Variants in HS3ST4 observed in about 807,000 individuals in gnomAD.
HS3ST4 encodes heparan sulfate-glucosamine 3-sulfotransferase 4, also known as heparan sulfate glucosamine 3-O-sulfotransferase 4.
A neutral mutation model predicts 29.2 loss-of-function variants in HS3ST4; 17 were observed. The ratio of observed to expected loss-of-function variants is 0.58; its 90% CI spans 0.40 to 0.87. The LOEUF is 0.87. HS3ST4 is among the 40% of genes least tolerant of loss of function. HS3ST4 has a pLI of 0.00. For synonymous variants in HS3ST4, 314 were observed against 285.7 expected (o/e 1.10, Z -1.00); for missense variants, 627 against 634.5 (o/e 0.99, Z 0.13).
At chr16:26,062,821 G>T in intron 1 of HS3ST4, 1 of 285,568 alleles carries the variant, frequency 3.5e-6, no homozygotes, top group South Asian at 4.2e-5. Context: ...GCACCACTTT[G>T]GTGCCTGCAT....
intron 1 of HS3ST4, among the ~76,000 whole-genome samples, chr16:25,882,751 C>G (rs957252915): frequency 1.3e-5 from 2 of 152,154 alleles, no homozygotes; most frequent in Admixed American, 6.6e-5. Context: ...TCTTGGGGCA[C>G]AGACAGATTC....
chr16:26,121,184 A>G (rs996987947), intron 1 of HS3ST4, among the ~76,000 whole-genome samples: 2 of 152,216 alleles, frequency 1.3e-5, no homozygotes, highest in South Asian at 2.1e-4. Flanking sequence ...CCAGGATCCC[A>G]GGGACAGACA....
At chr16:25,749,679 G>A (rs117233311) in intron 1 of HS3ST4, among the ~76,000 whole-genome samples, 3,411 of 152,238 alleles carry the variant, frequency 0.022, 43 homozygotes, top group Non-Finnish European at 0.036. Flanking sequence ...TTGTAAAAGG[G>A]ATAATAGCTT....
intron 1 of HS3ST4, among the ~76,000 whole-genome samples, chr16:25,706,524 C>T (rs1039648360): frequency 1.4e-4 from 21 of 152,172 alleles, no homozygotes; most frequent in Non-Finnish European, 2.1e-4. Flanking sequence ...TAATGCTCTC[C>T]GTCCCCTAGC....
chr16:25,842,183 A>G (rs1967421725), intron 1 of HS3ST4, among the ~76,000 whole-genome samples: 1 of 152,234 alleles, frequency 6.6e-6, no homozygotes, highest in South Asian at 2.1e-4. Context: ...TTTGTTGAAG[A>G]AAAGGTCACC....
intron 1 of HS3ST4, among the ~76,000 whole-genome samples, chr16:26,046,429 G>C (rs922323830): frequency 6.6e-6 from 1 of 152,112 alleles, no homozygotes; most frequent in Non-Finnish European, 1.5e-5. Context: ...GGGATTACAG[G>C]CATGAGCCAC....
chr16:26,109,441 G>A (rs563460196), intron 1 of HS3ST4, among the ~76,000 whole-genome samples: 3 of 152,250 alleles, frequency 2.0e-5, no homozygotes, highest in African/African-American at 4.8e-5. Context: ...GTAGTAATTC[G>A]TCTGAGGGTG....
chr16:25,905,932 G>A (rs1968175548), intron 1 of HS3ST4, among the ~76,000 whole-genome samples: 2 of 152,278 alleles, frequency 1.3e-5, no homozygotes, highest in South Asian at 2.1e-4. Flanking sequence ...TTATGGCTGA[G>A]TTATAAATCC....
At chr16:26,112,381 CT>C (rs386384539) in intron 1 of HS3ST4, among the ~76,000 whole-genome samples, 9,536 of 111,594 alleles carry the variant, frequency 0.085, 352 homozygotes, top group Middle Eastern at 0.15. Context: ...GCCTCTACAT[CT>C]TTTTTTTTTT....
chr16:25,898,774 G>C (rs1004957558), intron 1 of HS3ST4, among the ~76,000 whole-genome samples: 2 of 152,156 alleles, frequency 1.3e-5, no homozygotes, highest in Non-Finnish European at 2.9e-5. Context: ...GCTAAAAATG[G>C]GGCATGAATA....
chr16:26,076,777 G>T (rs1007488045), intron 1 of HS3ST4, among the ~76,000 whole-genome samples: 1 of 152,128 alleles, frequency 6.6e-6, no homozygotes, highest in Non-Finnish European at 1.5e-5. Context: ...CATAGAGTAG[G>T]CACTCTGAAT....
At chr16:25,693,268 G>A (rs935198531) in intron 1 of HS3ST4, 117 bp downstream of exon 1, 2 of 1,155,664 alleles carry the variant, frequency 1.7e-6, no homozygotes, top group Non-Finnish European at 2.4e-6. Context: ...CCAAGCCCCC[G>A]CGAGGGCTCT....
At chr16:26,019,413 C>T (rs1969390317) in intron 1 of HS3ST4, among the ~76,000 whole-genome samples, 1 of 152,160 alleles carries the variant, frequency 6.6e-6, no homozygotes, top group Non-Finnish European at 1.5e-5. Context: ...GCCTTTTTTA[C>T]ATCCGTAATT....
At chr16:25,916,549 A>G (rs1218083322) in intron 1 of HS3ST4, among the ~76,000 whole-genome samples, 1 of 151,066 alleles carries the variant, frequency 6.6e-6, no homozygotes, top group Non-Finnish European at 1.5e-5. Flanking sequence ...TTTAGTGGAG[A>G]CAAGGTTTCT....
chr16:26,133,109 T>C (rs1359297870), intron 1 of HS3ST4, among the ~76,000 whole-genome samples: 1 of 152,156 alleles, frequency 6.6e-6, no homozygotes, highest in Non-Finnish European at 1.5e-5. Context: ...TTTTCCTGCC[T>C]TTTCCATTTG....
chr16:26,110,550 C>T (rs1466467736), intron 1 of HS3ST4, among the ~76,000 whole-genome samples: 1 of 152,222 alleles, frequency 6.6e-6, no homozygotes, highest in Non-Finnish European at 1.5e-5. Context: ...TATATCCACA[C>T]CAAATTCTAT....
At chr16:26,080,795 A>G (rs1283262917) in intron 1 of HS3ST4, among the ~76,000 whole-genome samples, 1 of 152,142 alleles carries the variant, frequency 6.6e-6, no homozygotes, top group East Asian at 1.9e-4. Context: ...AAAGACCTCA[A>G]GCAGAGAGTT....
intron 1 of HS3ST4, among the ~76,000 whole-genome samples, chr16:25,928,111 G>A (rs1411902130): frequency 1.3e-5 from 2 of 149,834 alleles, no homozygotes; most frequent in African/African-American, 4.9e-5. Context: ...CAGGAGGATT[G>A]CTTGCACCTG....
chr16:25,874,877 G>C (rs1967813644), intron 1 of HS3ST4, among the ~76,000 whole-genome samples: 1 of 152,140 alleles, frequency 6.6e-6, no homozygotes. Context: ...GTGTGGCCTT[G>C]TTCAAGTTAG....
Sources: gnomAD v4.1 joint callset for allele counts (sites outside exome capture counted in the v4.1 genomes callset) on GRCh38, gnomAD v4.1.1 for gene constraint, MANE v1.5 for transcripts, NCBI Gene and HGNC (gene_info 2026-07-23, HGNC 2026-07-21) for gene names.